Variants in GRM5 observed in about 807,000 individuals in gnomAD.
GRM5 encodes the protein glutamate metabotropic receptor 5.
In GRM5, 19 loss-of-function variants were observed where a neutral mutation model predicts 83.1. That is an observed-to-expected ratio of 0.23 (90% CI 0.16 to 0.34). The LOEUF is 0.34. Ranked by LOEUF, GRM5 falls within the 10% of genes least tolerant of loss-of-function variation. The probability of loss-of-function intolerance (pLI) is 1.00; values close to 1 mark genes in which losing one functional copy is unlikely to be tolerated. For missense variants in GRM5, 1,160 were observed against 1,588.3 expected, an observed-to-expected ratio of 0.73 and a Z score of 4.58; for synonymous variants, 675 against 633.6, an observed-to-expected ratio of 1.07 and a Z score of -0.98.
intron 4 of GRM5, among the ~76,000 whole-genome samples, chr11:88,645,962 G>GA (rs1216947515): frequency 6.6e-6 from 1 of 152,086 alleles, no homozygotes; most frequent in Non-Finnish European, 1.5e-5. Flanking sequence ...TTCAACTGGG[G>GA]ATATAAAAAG....
At chr11:88,980,737 G>A (rs1939494649) in intron 2 of GRM5, among the ~76,000 whole-genome samples, 1 of 151,886 alleles carries the variant, frequency 6.6e-6, no homozygotes, top group Non-Finnish European at 1.5e-5. Flanking sequence ...GCAGGAGAAT[G>A]GCATGAACCC....
At chr11:88,515,278 A>G (rs921858380) in intron 9 of GRM5, among the ~76,000 whole-genome samples, 2 of 152,110 alleles carry the variant, frequency 1.3e-5, no homozygotes, top group African/African-American at 4.8e-5. Flanking sequence ...ATTTATTTTG[A>G]TCCACAATTC....
chr11:88,608,787 C>T (rs928266401), intron 4 of GRM5, among the ~76,000 whole-genome samples: 1 of 152,122 alleles, frequency 6.6e-6, no homozygotes, highest in South Asian at 2.1e-4. Context: ...TCCCAAAGTG[C>T]TGGGATTACA....
intron 7 of GRM5, among the ~76,000 whole-genome samples, chr11:88,584,884 A>G (rs901671617): frequency 6.6e-6 from 1 of 152,210 alleles, no homozygotes; most frequent in Non-Finnish European, 1.5e-5. Context: ...AGCATTTAGA[A>G]CATTGCCTGA....
At chr11:88,647,294 G>C (rs932502036) in intron 4 of GRM5, among the ~76,000 whole-genome samples, 1 of 152,014 alleles carries the variant, frequency 6.6e-6, no homozygotes, top group African/African-American at 2.4e-5. Context: ...GACATGAATT[G>C]AGGAAAAGGT....
intron 2 of GRM5, among the ~76,000 whole-genome samples, chr11:89,040,225 T>C (rs1161864962): frequency 6.6e-6 from 1 of 152,178 alleles, no homozygotes; most frequent in Non-Finnish European, 1.5e-5. Context: ...TATCTTACTT[T>C]TAGCACAGTT....
chr11:88,919,238 C>CCATATATATATATATA (rs1945645848), intron 2 of GRM5, among the ~76,000 whole-genome samples: 1 of 32,390 alleles, frequency 3.1e-5, no homozygotes, highest in Non-Finnish European at 1.6e-4. Context: ...GCAGGAGTAG[C>CCATATATATATATATA]TATATATATA....
chr11:88,778,105 T>C (rs998271484), intron 3 of GRM5, among the ~76,000 whole-genome samples: 3 of 151,604 alleles, frequency 2.0e-5, no homozygotes, highest in African/African-American at 7.3e-5. Flanking sequence ...TGTGATGGGC[T>C]CCGCCCATTT....
intron 3 of GRM5, among the ~76,000 whole-genome samples, chr11:88,834,981 T>C (rs1019512143): frequency 1.3e-4 from 20 of 151,716 alleles, no homozygotes; most frequent in East Asian, 1.9e-4. Flanking sequence ...ACTGCCATTT[T>C]TCCCCCCCTG....
chr11:88,910,340 T>C (rs1490724789), intron 2 of GRM5, among the ~76,000 whole-genome samples: 1 of 152,114 alleles, frequency 6.6e-6, no homozygotes, highest in East Asian at 1.9e-4. Context: ...ACCAAGTTTA[T>C]TTGGCTATCA....
chr11:88,639,770 A>C (rs1939240277), intron 4 of GRM5, among the ~76,000 whole-genome samples: 1 of 151,990 alleles, frequency 6.6e-6, no homozygotes, highest in Admixed American at 6.6e-5. Context: ...TGTATTCTTC[A>C]ACAAGCTTAT....
chr11:88,922,370 C>T (rs1459452915), intron 2 of GRM5, among the ~76,000 whole-genome samples: 1 of 152,016 alleles, frequency 6.6e-6, no homozygotes, highest in Non-Finnish European at 1.5e-5. Flanking sequence ...GGTGATGGCA[C>T]AAAAACAGAC....
At chr11:88,668,373 A>G (rs1296539291) in intron 3 of GRM5, among the ~76,000 whole-genome samples, 1 of 150,692 alleles carries the variant, frequency 6.6e-6, no homozygotes, top group Admixed American at 6.6e-5. Flanking sequence ...CTAACAAATT[A>G]TTCTATACCT....
intron 4 of GRM5, among the ~76,000 whole-genome samples, chr11:88,629,999 G>A (rs1468830644): frequency 1.3e-5 from 2 of 152,092 alleles, no homozygotes; most frequent in African/African-American, 4.8e-5. Context: ...TCTCCCATCT[G>A]TTTCCTTACC....
At chr11:88,533,899 C>G (rs1591329171) in intron 8 of GRM5, among the ~76,000 whole-genome samples, 1 of 152,154 alleles carries the variant, frequency 6.6e-6, no homozygotes, top group Admixed American at 6.5e-5. Flanking sequence ...GACTTGGTGC[C>G]CTGCATCCCA....
intron 2 of GRM5, among the ~76,000 whole-genome samples, chr11:88,961,695 T>C (rs1441147814): frequency 6.6e-6 from 1 of 152,194 alleles, no homozygotes; most frequent in Admixed American, 6.5e-5. Flanking sequence ...CTATTCATGA[T>C]CCTCTTCTTT....
At chr11:88,976,867 A>G (rs1348293578) in intron 2 of GRM5, among the ~76,000 whole-genome samples, 1 of 151,860 alleles carries the variant, frequency 6.6e-6, no homozygotes, top group African/African-American at 2.4e-5. Context: ...TACAAAAAAA[A>G]AATACTTAGA....
intron 9 of GRM5, among the ~76,000 whole-genome samples, chr11:88,516,284 G>T (rs1941518570): frequency 6.6e-6 from 1 of 152,118 alleles, no homozygotes; most frequent in South Asian, 2.1e-4. Context: ...TAAATGGCAG[G>T]ACAGTGCCCC....
At chr11:88,774,578 C>G (rs1942808167) in intron 3 of GRM5, among the ~76,000 whole-genome samples, 1 of 152,080 alleles carries the variant, frequency 6.6e-6, no homozygotes, top group Admixed American at 6.6e-5. Flanking sequence ...ATGACATTGG[C>G]TGTGGGTTTG....
Sources: allele counts gnomAD v4.1 joint callset (sites outside exome capture counted in the v4.1 genomes callset), GRCh38; gene constraint gnomAD v4.1.1; transcripts MANE v1.5; gene names NCBI Gene and HGNC (gene_info 2026-07-23, HGNC 2026-07-21).